The following ZNF215 variants were observed in gnomAD, a reference collection of about 807,000 sequenced individuals.
The protein encoded by ZNF215 is BWSCR2-associated zinc finger protein 2.
Under a neutral mutation model 27.2 loss-of-function variants are expected in ZNF215, and 24 were observed. The ratio of observed to expected loss-of-function variants is 0.88; its 90% CI spans 0.64 to 1.24. The LOEUF (loss-of-function observed/expected upper bound fraction) is 1.24. Among genes scored for constraint, ZNF215 ranks in the 50% most tolerant of loss-of-function variants. The pLI, the probability that ZNF215 is intolerant of heterozygous loss-of-function variation, is 0.00. For missense variants in ZNF215, 675 were observed against 605.7 expected (o/e 1.11, Z -1.20); for synonymous variants, 210 against 204.0 (o/e 1.03, Z -0.25).
chr11:6,926,583 GT>G lies in ZNF215; in HGVS notation c.-426del, dbSNP rs1849048478. ...ACTCGGAGCCGGCAGTGAGTTGAGGGTTCGGCGAGGTCAGGGATTCCTAGTT... is the reference window on the plus strand; with the variant it reads ...ACTCGGAGCCGGCAGTGAGTTGAGGGTCGGCGAGGTCAGGGATTCCTAGTT... On this transcript the variant is annotated 5_prime_UTR_variant, in exon 1 of 7. It introduces an in-frame stop codon into an upstream open reading frame of the 5' UTR. Coordinates refer to ENST00000278319, the MANE Select transcript of ZNF215 (RefSeq NM_013250.4). 6.6e-6 allele frequency: 1 copy of G among 152,298 alleles called. No individual in the cohort carries two copies. The highest frequency in any genetic ancestry group is 1.5e-5 in the Non-Finnish European group (1 of 68,120). The allele number at this position is 152,298 out of a possible 1,614,324, so 9.4% of individuals were successfully genotyped here. A position where few individuals can be genotyped will look rare whatever the true frequency, so the allele number is the denominator to read the frequency against.
At chr11:6,929,208 G>T (rs1406395689) in intron 2 of ZNF215, among the ~76,000 whole-genome samples, 1 of 152,144 alleles carries the variant, frequency 6.6e-6, no homozygotes, top group Non-Finnish European at 1.5e-5. Flanking sequence ...AAATCCTCTG[G>T]GGAGCTTGCA....
intron 2 of ZNF215, among the ~76,000 whole-genome samples, chr11:6,929,129 C>G (rs1194225118): frequency 6.6e-6 from 1 of 152,186 alleles, no homozygotes; most frequent in Non-Finnish European, 1.5e-5. Flanking sequence ...CTCCCCTGGC[C>G]ATGACAACCT....
At chr11:6,987,761 T>C (rs1851075746), downstream of ZNF215, among the ~76,000 whole-genome samples, 1 of 152,286 alleles carries the variant, frequency 6.6e-6, no homozygotes, top group South Asian at 2.1e-4. Context: ...TAGTAACCAG[T>C]CAGTTGTTCT....
intron 2 of ZNF215, among the ~76,000 whole-genome samples, chr11:6,928,082 T>C (rs555143332): frequency 6.6e-6 from 1 of 152,308 alleles, no homozygotes; most frequent in East Asian, 1.9e-4. Flanking sequence ...GGTGAAATTG[T>C]TTTTTCTATG....
At chr11:6,979,285 G>A (rs1211169932) in intron 5 of ZNF215, among the ~76,000 whole-genome samples, 2 of 151,350 alleles carry the variant, frequency 1.3e-5, no homozygotes, top group Non-Finnish European at 2.9e-5. Context: ...AATCTAGAGG[G>A]ACTTCTGCTA....
At chr11:6,990,886 A>G (rs1026628696), downstream of ZNF215, among the ~76,000 whole-genome samples, 4 of 152,250 alleles carry the variant, frequency 2.6e-5, no homozygotes, top group Non-Finnish European at 5.9e-5. Context: ...CACTCCTGCA[A>G]AAATTCAACA....
chr11:6,971,669 G>A (rs1327855937), intron 5 of ZNF215, among the ~76,000 whole-genome samples: 1 of 152,148 alleles, frequency 6.6e-6, no homozygotes, highest in Non-Finnish European at 1.5e-5. Context: ...TCTTTAAGAG[G>A]AGAAGCCAAG....
At chr11:6,984,111 A>ATTT in intron 5 of ZNF215, 3 of 393,800 alleles carry the variant, frequency 7.6e-6, no homozygotes, top group East Asian at 1.2e-4. Context: ...ATGTCCCTTA[A>ATTT]ATTTTTTTTT....
In ZNF215 at chr11:6,956,093, T is replaced by C; in HGVS notation, c.1116T>C (p.Ser372=). The change falls in exon 7 of 7, where the codon AGT becomes AGC. Residue 372 remains serine (S), a synonymous_variant. Transcript: ENST00000278319. ...SLSTDIRHQK[S]HTTMNSYECY... Reference sequence around the variant, plus strand: ...GTACAGATATTCGACACCAAAAAAGTCATACTACAATGAATTCCTATGAAT... The same window carrying C: ...GTACAGATATTCGACACCAAAAAAGCCATACTACAATGAATTCCTATGAAT... 1.2e-6 allele frequency: 2 copies of C among 1,612,946 alleles called. No individual in the cohort carries two copies. The highest frequency in any genetic ancestry group is 1.7e-6 in the Non-Finnish European group (2 of 1,179,798).
Position 6,943,208 on chromosome 11 carries a change from G to A in ZNF215, c.609G>A (p.Leu203=). The stretch of plus-strand genomic sequence containing the variant: ...AAAACTTTAGGAACCTGAATTCATT[G>A]CGTAAAGGTGGTTTCTATATGTTTA... ...MLENFRNLNS[L]RKAHLLSKPF... Residue 203 remains leucine (L), a synonymous_variant, in exon 5 of 7, where the codon TTG becomes TTA. Coordinates refer to ENST00000278319, the MANE Select transcript of ZNF215 (RefSeq NM_013250.4). The A allele has an allele frequency of 6.2e-7, 1 of 1,611,514 alleles. No homozygotes were observed. Among genetic ancestry groups the A allele is most frequent in the South Asian group, 1.1e-5 (1 of 90,446 alleles).
downstream of ZNF215, among the ~76,000 whole-genome samples, chr11:6,960,303 C>A (rs556127520): frequency 2.0e-5 from 3 of 152,014 alleles, no homozygotes; most frequent in South Asian, 6.2e-4. Context: ...GAGGGAACAG[C>A]GCAAGTTAGG....
chr11:6,987,948 A>G (rs1851077810), downstream of ZNF215, among the ~76,000 whole-genome samples: 1 of 152,208 alleles, frequency 6.6e-6, no homozygotes, highest in South Asian at 2.1e-4. Flanking sequence ...AAAGAAAAGT[A>G]ATTATAATCA....
At chr11:6,961,055 T>A (rs1000437349), downstream of ZNF215, among the ~76,000 whole-genome samples, 3 of 152,166 alleles carry the variant, frequency 2.0e-5, no homozygotes, top group African/African-American at 7.2e-5. Flanking sequence ...AATAGGTTAC[T>A]CTTCTGGTGA....
chr11:6,977,788 T>G (rs979850657), intron 5 of ZNF215, among the ~76,000 whole-genome samples: 7 of 152,108 alleles, frequency 4.6e-5, no homozygotes, highest in Non-Finnish European at 1.0e-4. Flanking sequence ...GAATACACTC[T>G]TGTGACAACA....
downstream of ZNF215, chr11:6,958,090 C>G: frequency 1.0e-6 from 1 of 977,086 alleles, no homozygotes; most frequent in Non-Finnish European, 1.2e-6. Flanking sequence ...TTTATTAGGA[C>G]AAAGCCCTAC....
chr11:6,956,690 T>C lies in ZNF215; in HGVS notation c.*159T>C, dbSNP rs765903042. On this transcript the variant is annotated 3_prime_UTR_variant, in exon 7 of 7. Transcript: ENST00000278319. ...GAATTAATGTTGGATAGAAATATCA[T>C]TGGATAGAAATCTGTTTGAAGGAAT... 76 of 1,386,794 alleles carry C rather than the reference T, an allele frequency of 5.5e-5. No individual in the cohort carries two copies. Among genetic ancestry groups the C allele is most frequent in the East Asian group, 4.0e-4 (15 of 37,736 alleles). The allele number at this position is 1,386,794 out of a possible 1,614,324, so 85.9% of individuals were successfully genotyped here.
At position 6,984,037 on chromosome 11, in the gene ZNF215, A is replaced by G. The variant is rs1851012897; in HGVS notation, c.806-92A>G. 4 of 343,964 alleles carry G rather than the reference A, an allele frequency of 1.2e-5. 1 individual carries two copies. Among genetic ancestry groups the G allele is most frequent in the African/African-American group, 2.2e-5 (1 of 44,542 alleles). 21.3% of individuals were successfully genotyped at this position (343,964 alleles called of 1,614,324 possible). A position where few individuals can be genotyped will look rare whatever the true frequency, so the allele number is the denominator to read the frequency against. On this transcript the variant is annotated intron_variant, in intron 5 of 5. Coordinates refer to the ZNF215 transcript ENST00000529903. The stretch of plus-strand genomic sequence containing the variant: ...ATTGGTAAAGGATATAAAAATTAAC[A>G]TACTCTCAAACGCTATCTTTGGGGG...
At chr11:6,969,353 G>A (rs1363090022) in intron 5 of ZNF215, among the ~76,000 whole-genome samples, 1 of 151,824 alleles carries the variant, frequency 6.6e-6, no homozygotes, top group Non-Finnish European at 1.5e-5. Flanking sequence ...TACTCCTTGT[G>A]GAATTAAGAA....
At chr11:6,944,168 A>C (rs1328692072) in intron 6 of ZNF215, among the ~76,000 whole-genome samples, 1 of 151,996 alleles carries the variant, frequency 6.6e-6, no homozygotes, top group African/African-American at 2.4e-5. Flanking sequence ...CCCAGCTACT[A>C]GGGAGGCTGA....
Sources: allele counts gnomAD v4.1 joint callset (sites outside exome capture counted in the v4.1 genomes callset), GRCh38; gene constraint gnomAD v4.1.1; transcripts MANE v1.5; gene names NCBI Gene and HGNC (gene_info 2026-07-23, HGNC 2026-07-21).